DHRS3: variants seen among roughly 807,000 people sequenced by gnomAD.
The protein encoded by DHRS3 is dehydrogenase/reductase 3.
Under a neutral mutation model 27.2 loss-of-function variants are expected in DHRS3, and 14 were observed. The observed-to-expected ratio is 0.52, with a 90% confidence interval of 0.34 to 0.81. The LOEUF (loss-of-function observed/expected upper bound fraction) is 0.81, where lower values mean the gene tolerates loss of function less well. Among genes scored for constraint, DHRS3 ranks in the 30% least tolerant of loss-of-function variants. The probability of loss-of-function intolerance (pLI) is 0.01; values close to 1 mark genes in which losing one functional copy is unlikely to be tolerated. For synonymous variants in DHRS3, 165 were observed against 175.9 expected (o/e 0.94, Z 0.49); for missense variants, 322 against 406.2 (o/e 0.79, Z 1.78).
At chr1:12,600,551 G>A (rs1231043262) in intron 1 of DHRS3, among the ~76,000 whole-genome samples, 2 of 152,184 alleles carry the variant, frequency 1.3e-5, no homozygotes, top group Non-Finnish European at 2.9e-5. Flanking sequence ...TGAAGGTCAC[G>A]CTGCCCTTTA....
chr1:12,594,336 C>T lies in DHRS3; in HGVS notation c.196-13670G>A, dbSNP rs929182336. On this transcript the variant is annotated intron_variant, in intron 1 of 5. Transcript: ENST00000616661. This position sits in a 1 kb window ranked among gnomAD's most constrained non-coding sequence, Gnocchi z 4.1. ...GTGTGCACCAGGCACTTTGGAGGCC[C>T]TGGGATCCAGCGGGGAATACATTTA... 6.6e-6 allele frequency among the ~76,000 whole-genome samples: 1 copy of T among 152,218 alleles called. No homozygotes were observed. Among genetic ancestry groups the T allele is most frequent in the Non-Finnish European group, 1.5e-5 (1 of 68,038 alleles).
intron 1 of DHRS3, among the ~76,000 whole-genome samples, chr1:12,583,446 ACT>A: frequency 7.8e-6 from 1 of 127,392 alleles, no homozygotes; most frequent in Non-Finnish European, 1.6e-5. Context: ...CCATCCATCC[ACT>A]CACCTACTTA....
At chr1:12,609,886 C>T (rs1486789882) in intron 1 of DHRS3, among the ~76,000 whole-genome samples, 1 of 152,192 alleles carries the variant, frequency 6.6e-6, no homozygotes, top group African/African-American at 2.4e-5. Flanking sequence ...AGCCCTTGCC[C>T]TGTCCTCTTC....
At chr1:12,596,379 G>C (rs1646797630) in intron 1 of DHRS3, 2 of 152,322 alleles carry the variant, frequency 1.3e-5, no homozygotes, top group Non-Finnish European at 2.9e-5. Context: ...AGAGATTGGG[G>C]AGGTGCCTGC....
chr1:12,584,729 G>T (rs1405844003), intron 1 of DHRS3, among the ~76,000 whole-genome samples: 9 of 152,188 alleles, frequency 5.9e-5, no homozygotes, highest in Non-Finnish European at 1.2e-4. Context: ...CTTCCTGGCC[G>T]GGCCTTGGGT....
chr1:12,573,753 A>G (rs1384540161), intron 4 of DHRS3, among the ~76,000 whole-genome samples: 1 of 152,210 alleles, frequency 6.6e-6, no homozygotes, highest in Non-Finnish European at 1.5e-5. Context: ...GGGGCTTCTC[A>G]TGACTATTTA....
rs1365107372 is a variant in DHRS3, at chr1:12,586,800, G to C, written c.196-6134C>G. 6.6e-6 allele frequency among the ~76,000 whole-genome samples: 1 copy of C among 152,104 alleles called. No homozygotes were observed. Among genetic ancestry groups the C allele is most frequent in the Non-Finnish European group, 1.5e-5 (1 of 68,024 alleles). The stretch of plus-strand genomic sequence containing the variant: ...CATGTCCAGCTCCACAGGCTGTGGG[G>C]ATTGCACCACCACTCACTGTCCTGT... On this transcript the variant is annotated intron_variant, in intron 1 of 5. Transcript: ENST00000616661. This position sits in a 1 kb window ranked among gnomAD's most constrained non-coding sequence, Gnocchi z 5.0.
At chr1:12,572,668 G>A in intron 5 of DHRS3, 60 bp downstream of exon 5, 1 of 1,549,104 alleles carries the variant, frequency 6.5e-7, no homozygotes, top group Non-Finnish European at 8.7e-7. Flanking sequence ...CAGCAGACAT[G>A]ACTAATAGAT....
intron 1 of DHRS3, among the ~76,000 whole-genome samples, chr1:12,614,106 C>G (rs370830660): frequency 6.6e-6 from 1 of 152,118 alleles, no homozygotes; most frequent in Admixed American, 6.5e-5. Flanking sequence ...ATTAGGCCCA[C>G]GTATGTTGCC....
chr1:12,616,832 G>T, intron 1 of DHRS3: 1 of 972,418 alleles, frequency 1.0e-6, no homozygotes, highest in Non-Finnish European at 1.4e-6. Context: ...GGAAGGCGGG[G>T]GAGGGGGGCA....
intron 2 of DHRS3, chr1:12,579,848 A>G: frequency 5.6e-6 from 1 of 177,962 alleles, no homozygotes. Context: ...TGATCAATCA[A>G]TTGATGTGTT....
At chr1:12,607,845 A>ATGTGTGTGTG (rs202172866) in intron 1 of DHRS3, among the ~76,000 whole-genome samples, 41 of 150,480 alleles carry the variant, frequency 2.7e-4, no homozygotes, top group Middle Eastern at 3.4e-3. Context: ...ATATTTGTGT[A>ATGTGTGTGTG]TATGTGTGTG....
chr1:12,588,353 C>T (rs978314651), intron 1 of DHRS3, among the ~76,000 whole-genome samples: 12 of 152,204 alleles, frequency 7.9e-5, no homozygotes, highest in Non-Finnish European at 1.5e-4. Context: ...ATCCTCACAA[C>T]CCCTCGAGGT....
chr1:12,587,865 C>T (rs948331803), intron 1 of DHRS3, among the ~76,000 whole-genome samples: 3 of 152,242 alleles, frequency 2.0e-5, no homozygotes, highest in Admixed American at 2.0e-4. Flanking sequence ...CCCCAGCCCC[C>T]GAGTGGTGCT....
intron 2 of DHRS3, 133 bp from the exon 3 acceptor site, chr1:12,579,545 G>A (rs1207014960): frequency 1.5e-5 from 20 of 1,339,122 alleles, no homozygotes; most frequent in African/African-American, 5.9e-5. Context: ...GCACCATCTC[G>A]GCTCACTGCC....
chr1:12,580,273 G>T, intron 2 of DHRS3: 1 of 530,230 alleles, frequency 1.9e-6, no homozygotes, highest in Non-Finnish European at 3.4e-6. Flanking sequence ...CCCCGCCACA[G>T]TCCTGGAGAG....
At chr1:12,580,712 CA>C in intron 1 of DHRS3, 46 bp from the exon 2 acceptor site, 2 of 1,572,026 alleles carry the variant, frequency 1.3e-6, no homozygotes, top group Non-Finnish European at 8.6e-7. Flanking sequence ...CATTAAGCCA[CA>C]GTGATGCAAC....
Position 12,617,358 on chromosome 1 carries a change from C to A in DHRS3, c.-10G>T. 6.3e-7 allele frequency: 1 copy of A among 1,594,632 alleles called. No homozygotes were observed. The highest frequency in any genetic ancestry group is 1.1e-5 in the South Asian group (1 of 90,354). On this transcript the variant is annotated 5_prime_UTR_variant, in exon 1 of 6. Coordinates refer to ENST00000616661, the MANE Select transcript of DHRS3 (RefSeq NM_004753.7). ...GCCGTTTCCACACCATCCTCCGCGC[C>A]GCGGAGCCGGGCAGGGGGCGAAACT...
intron 1 of DHRS3, among the ~76,000 whole-genome samples, chr1:12,612,581 T>C (rs1646917890): frequency 6.6e-6 from 1 of 152,200 alleles, no homozygotes; most frequent in South Asian, 2.1e-4. Context: ...GCACCTGCTA[T>C]AAATTAACTG....
Sources: allele counts gnomAD v4.1 joint callset (sites outside exome capture counted in the v4.1 genomes callset), GRCh38; gene constraint gnomAD v4.1.1; non-coding constraint Gnocchi (gnomAD v3.1); transcripts MANE v1.5; gene names NCBI Gene and HGNC (gene_info 2026-07-23, HGNC 2026-07-21).